The following ATG10 variants were observed in gnomAD, a reference collection of about 807,000 sequenced individuals.
ATG10 encodes ubiquitin-like-conjugating enzyme ATG10.
In ATG10, 30 loss-of-function variants were observed where a neutral mutation model predicts 32.1. The ratio of observed to expected loss-of-function variants is 0.94; its 90% CI spans 0.70 to 1.27. The LOEUF is 1.27. Ranked by LOEUF, ATG10 falls within the 50% of genes most tolerant of loss-of-function variation. The pLI is 0.00. For missense variants in ATG10, 233 were observed against 262.3 expected (o/e 0.89, Z 0.77); for synonymous variants, 87 against 91.5 (o/e 0.95, Z 0.28).
intron 4 of ATG10, among the ~76,000 whole-genome samples, chr5:82,170,895 C>T (rs1239769167): frequency 2.6e-5 from 4 of 151,898 alleles, no homozygotes; most frequent in African/African-American, 4.8e-5. Flanking sequence ...TGCAGTGAGC[C>T]GAGATCACGC....
chr5:82,253,259 A>C (rs1455543847), intron 6 of ATG10, 55 bp from the exon 7 acceptor site: 22 of 1,219,066 alleles, frequency 1.8e-5, no homozygotes, highest in Non-Finnish European at 1.9e-5. Flanking sequence ...TCTACCATTC[A>C]TCCAAAAACT....
chr5:82,016,685 C>G (rs1762294695), intron 2 of ATG10, among the ~76,000 whole-genome samples: 2 of 149,824 alleles, frequency 1.3e-5, no homozygotes. Flanking sequence ...TGGTCATTTT[C>G]TTTCTTTCTT....
At chr5:82,128,295 T>C (rs1766363717) in intron 3 of ATG10, among the ~76,000 whole-genome samples, 1 of 152,072 alleles carries the variant, frequency 6.6e-6, no homozygotes, top group South Asian at 2.1e-4. Context: ...ACATTTATGG[T>C]TAATATTGTT....
intron 6 of ATG10, 120 bp downstream of exon 6, chr5:82,252,779 A>G (rs1747319914): frequency 9.3e-6 from 6 of 645,482 alleles, no homozygotes; most frequent in Non-Finnish European, 1.1e-5. Context: ...GGCTAACACA[A>G]TGATTTTTAG....
intron 2 of ATG10, among the ~76,000 whole-genome samples, chr5:82,022,937 T>A (rs1415748955): frequency 6.6e-6 from 1 of 151,750 alleles, no homozygotes; most frequent in African/African-American, 2.4e-5. Context: ...GCTGAAGTTT[T>A]ATCTATTCCA....
chr5:82,135,348 T>C (rs540351671), intron 3 of ATG10, among the ~76,000 whole-genome samples: 1 of 152,360 alleles, frequency 6.6e-6, no homozygotes, highest in East Asian at 1.9e-4. Flanking sequence ...TCCTGCTTTC[T>C]TCTGTGGGCA....
At chr5:82,002,672 C>T (rs1761882379) in intron 2 of ATG10, among the ~76,000 whole-genome samples, 1 of 152,028 alleles carries the variant, frequency 6.6e-6, no homozygotes, top group South Asian at 2.1e-4. Context: ...GGGTGAGGAT[C>T]CGGAAACCAC....
chr5:82,221,108 C>G (rs994557439), intron 5 of ATG10, among the ~76,000 whole-genome samples: 2 of 152,130 alleles, frequency 1.3e-5, no homozygotes, highest in African/African-American at 4.8e-5. Context: ...TGACTTCAGG[C>G]CTTTGCTTCT....
rs569468044 is a variant in ATG10, at chr5:82,059,305, G to A, written c.216+703G>A. Among the ~76,000 whole-genome samples, 4 of 151,618 alleles carry A rather than the reference G, an allele frequency of 2.6e-5. No individual in the cohort carries two copies. The East Asian group carries it at 7.8e-4, about 29-fold the overall frequency. On this transcript the variant is annotated intron_variant, in intron 3 of 7. Coordinates refer to ENST00000282185, the MANE Select transcript of ATG10 (RefSeq NM_031482.5). ...TAAATAATAGAGAAATATATAAAAAGGATTTAAAAATATCCCATATGTCCT... is the reference window on the plus strand; with the variant it reads ...TAAATAATAGAGAAATATATAAAAAAGATTTAAAAATATCCCATATGTCCT...
chr5:82,253,893 T>C (rs1054460673), intron 7 of ATG10, among the ~76,000 whole-genome samples, 175 bp from the exon 8 acceptor site: 11 of 152,340 alleles, frequency 7.2e-5, no homozygotes, highest in African/African-American at 2.4e-4. Context: ...AACTGGTGCC[T>C]GGTGCCAAAA....
At chr5:82,058,023 G>A (rs1327860135) in intron 2 of ATG10, among the ~76,000 whole-genome samples, 1 of 152,208 alleles carries the variant, frequency 6.6e-6, no homozygotes, top group Non-Finnish European at 1.5e-5. Context: ...TACTCAGGCA[G>A]TTGCTGAGAT....
At chr5:82,029,488 T>A (rs1180429557) in intron 2 of ATG10, among the ~76,000 whole-genome samples, 1 of 152,204 alleles carries the variant, frequency 6.6e-6, no homozygotes, top group Admixed American at 6.5e-5. Context: ...GAGTCAAGAA[T>A]GTCAATTATG....
At chr5:82,058,955 C>T (rs1029203549) in intron 3 of ATG10, among the ~76,000 whole-genome samples, 2 of 152,124 alleles carry the variant, frequency 1.3e-5, no homozygotes, top group African/African-American at 2.4e-5. Context: ...GACCTGAATA[C>T]CACAGATGCC....
chr5:82,178,400 C>A, intron 4 of ATG10, 90 bp from the exon 5 acceptor site: 2 of 770,696 alleles, frequency 2.6e-6, no homozygotes, highest in African/African-American at 1.7e-5. Context: ...TTCTAAAAGT[C>A]ATGATATTCT....
At chr5:82,138,996 G>T (rs1231300767) in intron 3 of ATG10, among the ~76,000 whole-genome samples, 2 of 150,562 alleles carry the variant, frequency 1.3e-5, no homozygotes, top group East Asian at 2.0e-4. Flanking sequence ...GCGATCGCAG[G>T]CACGCGCCGC....
chr5:81,997,635 A>T (rs751583162), intron 2 of ATG10, among the ~76,000 whole-genome samples: 1 of 152,228 alleles, frequency 6.6e-6, no homozygotes, highest in African/African-American at 2.4e-5. Flanking sequence ...ATTCTTAGAA[A>T]CACAATAAAA....
intron 5 of ATG10, among the ~76,000 whole-genome samples, chr5:82,187,953 T>C (rs1319423212): frequency 6.6e-6 from 1 of 152,200 alleles, no homozygotes; most frequent in African/African-American, 2.4e-5. Context: ...AAGTCCTAAA[T>C]GCATATTGAA....
chr5:81,993,383 CTT>C (rs1355845000), intron 2 of ATG10, among the ~76,000 whole-genome samples: 7 of 85,338 alleles, frequency 8.2e-5, no homozygotes, highest in African/African-American at 3.4e-4. Context: ...CTTTTCTTTT[CTT>C]TTCTTTTTTT....
At chr5:82,085,361 A>C (rs924089137) in intron 3 of ATG10, among the ~76,000 whole-genome samples, 1 of 152,090 alleles carries the variant, frequency 6.6e-6, no homozygotes, top group Non-Finnish European at 1.5e-5. Flanking sequence ...AAAGAGACTT[A>C]GACTCCCACA....
Sources: allele counts gnomAD v4.1 joint callset (sites outside exome capture counted in the v4.1 genomes callset), GRCh38; gene constraint gnomAD v4.1.1; transcripts MANE v1.5; gene names NCBI Gene and HGNC (gene_info 2026-07-23, HGNC 2026-07-21).